Variants in DPP6 observed in about 807,000 individuals in gnomAD.
DPP6 encodes the protein A-type potassium channel modulatory protein DPP6.
In DPP6, 69 loss-of-function variants were observed where a neutral mutation model predicts 122.6. That is an observed-to-expected ratio of 0.56 (90% confidence interval 0.46 to 0.69). DPP6 has a LOEUF of 0.69. DPP6 is among the 30% of genes least tolerant of loss of function. The pLI is 0.00. For missense variants in DPP6, 928 were observed against 1,116.9 expected (o/e 0.83, Z 2.41); for synonymous variants, 418 against 433.1 (o/e 0.97, Z 0.43).
At chr7:154,531,967 G>A (rs904035185) in intron 3 of DPP6, among the ~76,000 whole-genome samples, 7 of 151,944 alleles carry the variant, frequency 4.6e-5, no homozygotes, top group African/African-American at 1.7e-4. Flanking sequence ...TAAAATGAAA[G>A]CCAAATAATG....
intron 1 of DPP6, among the ~76,000 whole-genome samples, chr7:154,377,726 C>T (rs183813753): frequency 6.8e-4 from 103 of 152,282 alleles, no homozygotes; most frequent in African/African-American, 2.1e-3. Context: ...CCTCCCCAGC[C>T]GTGTGAAACG....
At chr7:154,037,133 A>T (rs1051052982) in intron 1 of DPP6, among the ~76,000 whole-genome samples, 2 of 152,224 alleles carry the variant, frequency 1.3e-5, no homozygotes, top group African/African-American at 2.4e-5. Context: ...CATGTTAATT[A>T]TAAAATCAGT....
chr7:154,620,996 G>A (rs2130851574), intron 5 of DPP6, among the ~76,000 whole-genome samples: 1 of 152,244 alleles, frequency 6.6e-6, no homozygotes, highest in South Asian at 2.1e-4. Context: ...AAGACTACAA[G>A]AACTGTATGG....
Position 154,367,834 on chromosome 7 carries a change from G to A in DPP6, c.244-78380G>A, listed in dbSNP as rs142033568. Among the ~76,000 whole-genome samples the A allele has an allele frequency of 4.3e-3, 655 of 152,224 alleles. 1 individual carries two copies. The highest frequency in any genetic ancestry group is 0.015 in the African/African-American group (631 of 41,548). ...TGATTGATTGATTGATTTTTGAGAC[G>A]GAGTCTCGCACTGTTGTCCAGGCGA... On this transcript the variant is annotated intron_variant, in intron 1 of 25. Transcript: ENST00000377770.
At chr7:153,982,570 A>G (rs1554426166) in intron 1 of DPP6, among the ~76,000 whole-genome samples, 6 of 151,822 alleles carry the variant, frequency 4.0e-5, no homozygotes, top group South Asian at 2.1e-4. Flanking sequence ...TTCTCCATCC[A>G]GTTTTGTTCC....
At chr7:154,041,335 C>T (rs971614915) in intron 1 of DPP6, among the ~76,000 whole-genome samples, 1 of 152,228 alleles carries the variant, frequency 6.6e-6, no homozygotes, top group South Asian at 2.1e-4. Flanking sequence ...GGTGGGAAGG[C>T]TTGATGATTT....
intron 1 of DPP6, among the ~76,000 whole-genome samples, chr7:154,209,028 C>T (rs1250724795): frequency 6.6e-6 from 1 of 152,142 alleles, no homozygotes; most frequent in African/African-American, 2.4e-5. Context: ...AGAACGTGCT[C>T]AGCAGGAAGT....
chr7:154,684,068 C>G (rs556575825), intron 7 of DPP6, among the ~76,000 whole-genome samples: 1 of 152,226 alleles, frequency 6.6e-6, no homozygotes, highest in Admixed American at 6.5e-5. Flanking sequence ...GGGGGTCTCA[C>G]TGTGTTGCCC....
chr7:153,948,226 T>G (rs1336896536), intron 1 of DPP6, among the ~76,000 whole-genome samples: 2 of 152,234 alleles, frequency 1.3e-5, no homozygotes, highest in South Asian at 2.1e-4. Flanking sequence ...TCCAATACTG[T>G]GGCCATATTG....
At chr7:154,872,572 C>G (rs988042929) in intron 18 of DPP6, 52 bp from the exon 19 acceptor site, 1 of 1,556,604 alleles carries the variant, frequency 6.4e-7, no homozygotes, top group Non-Finnish European at 8.7e-7. Context: ...ATGCCCGATA[C>G]CCCGTGGCCA....
chr7:154,826,323 T>C (rs999184009), intron 16 of DPP6, among the ~76,000 whole-genome samples: 6 of 152,218 alleles, frequency 3.9e-5, no homozygotes, highest in Non-Finnish European at 7.3e-5. Flanking sequence ...ATTGGGTGTA[T>C]ATTCTTGGTC....
At chr7:154,087,022 G>T (rs1052905734) in intron 1 of DPP6, among the ~76,000 whole-genome samples, 5 of 152,194 alleles carry the variant, frequency 3.3e-5, no homozygotes, top group Admixed American at 1.3e-4. Flanking sequence ...TGAGTGGGAT[G>T]TGGCTGCTGA....
At chr7:154,060,665 G>A (rs1200163205) in intron 1 of DPP6, among the ~76,000 whole-genome samples, 1 of 116,138 alleles carries the variant, frequency 8.6e-6, no homozygotes, top group Non-Finnish European at 1.8e-5. Context: ...CGAGAGTGGC[G>A]ACTGAGAGCT....
chr7:154,884,047 CACAT>C (rs1480274590), intron 21 of DPP6: 2 of 120,114 alleles, frequency 1.7e-5, no homozygotes, highest in African/African-American at 6.3e-5. Context: ...CACCTGCTCA[CACAT>C]ACCCATACAT....
intron 10 of DPP6, among the ~76,000 whole-genome samples, chr7:154,790,382 G>A (rs936710049): frequency 1.5e-4 from 23 of 152,190 alleles, no homozygotes; most frequent in African/African-American, 5.5e-4. Flanking sequence ...GATTAGAAGA[G>A]GCAAAGAACT....
chr7:153,851,272 C>G, the DPP6 span, among the ~76,000 whole-genome samples: 1 of 152,164 alleles, frequency 6.6e-6, no homozygotes, highest in Non-Finnish European at 1.5e-5. Context: ...TGCCTTAAAA[C>G]TACATTTTAC....
intron 2 of DPP6, among the ~76,000 whole-genome samples, chr7:154,470,547 T>G (rs1195940409): frequency 1.3e-5 from 2 of 152,170 alleles, no homozygotes; most frequent in Non-Finnish European, 2.9e-5. Context: ...TTTAAAATAT[T>G]TAGAGAAGGA....
chr7:154,321,804 AAG>A (rs1491397231), intron 1 of DPP6, among the ~76,000 whole-genome samples: 1 of 147,654 alleles, frequency 6.8e-6, no homozygotes, highest in African/African-American at 2.6e-5. Flanking sequence ...AAAAAAAAAA[AAG>A]AGGAAGAAAT....
intron 1 of DPP6, among the ~76,000 whole-genome samples, chr7:154,144,659 C>G (rs1389695725): frequency 6.6e-6 from 1 of 151,762 alleles, no homozygotes; most frequent in Non-Finnish European, 1.5e-5. Context: ...GTGTCCTTCT[C>G]AAAATCCTTG....
Sources: allele counts gnomAD v4.1 joint callset (sites outside exome capture counted in the v4.1 genomes callset), GRCh38; gene constraint gnomAD v4.1.1; transcripts MANE v1.5; gene names NCBI Gene and HGNC (gene_info 2026-07-23, HGNC 2026-07-21).